SPON1: variants seen among roughly 807,000 people sequenced by gnomAD.
The protein encoded by SPON1 is spondin-1.
In SPON1, 52 loss-of-function variants were observed where a neutral mutation model predicts 111.7. That is an observed-to-expected ratio of 0.47 (90% CI 0.37 to 0.59). The LOEUF is 0.59. Ranked by LOEUF, SPON1 falls within the 20% of genes least tolerant of loss-of-function variation. SPON1 has a pLI of 0.00. For synonymous variants in SPON1, 410 were observed against 395.8 expected, an observed-to-expected ratio of 1.04 and a Z score of -0.43; for missense variants, 957 against 1,068.5, an observed-to-expected ratio of 0.90 and a Z score of 1.46.
At chr11:14,003,452 G>T (rs1250047409) in intron 2 of SPON1, among the ~76,000 whole-genome samples, 15 of 152,148 alleles carry the variant, frequency 9.9e-5, no homozygotes, top group Non-Finnish European at 1.6e-4. Context: ...GCTCAGGGAT[G>T]GGGCCAGTTT....
chr11:14,177,517 T>G (rs1338976574), intron 6 of SPON1, among the ~76,000 whole-genome samples: 1 of 152,112 alleles, frequency 6.6e-6, no homozygotes. Context: ...AGCTGGTCCA[T>G]CAAGTGCAGG....
chr11:14,120,797 G>A (rs1849298975), intron 5 of SPON1, among the ~76,000 whole-genome samples: 1 of 152,186 alleles, frequency 6.6e-6, no homozygotes, highest in South Asian at 2.1e-4. Flanking sequence ...GCTAAGGGCT[G>A]TAATATGGAT....
At chr11:14,195,481 C>T (rs1171077192) in intron 6 of SPON1, among the ~76,000 whole-genome samples, 2 of 152,188 alleles carry the variant, frequency 1.3e-5, no homozygotes, top group African/African-American at 2.4e-5. Flanking sequence ...ATCAGAAACA[C>T]TGTAATACCA....
chr11:14,015,248 A>G (rs1166214517), intron 2 of SPON1, among the ~76,000 whole-genome samples: 7 of 152,232 alleles, frequency 4.6e-5, no homozygotes, highest in Admixed American at 1.3e-4. Context: ...GAAGCTGAGA[A>G]GTACAAGATC....
intron 6 of SPON1, among the ~76,000 whole-genome samples, chr11:14,186,777 A>G (rs1848289983): frequency 6.6e-6 from 1 of 152,160 alleles, no homozygotes; most frequent in African/African-American, 2.4e-5. Flanking sequence ...TTCCCACTCA[A>G]GCCTACAGAA....
At chr11:14,092,306 G>A (rs1849066009) in intron 5 of SPON1, among the ~76,000 whole-genome samples, 1 of 152,142 alleles carries the variant, frequency 6.6e-6, no homozygotes, top group Non-Finnish European at 1.5e-5. Context: ...TAATGTCTTA[G>A]CATTATTATA....
At chr11:14,050,749 G>A (rs1848701776) in intron 3 of SPON1, among the ~76,000 whole-genome samples, 1 of 152,172 alleles carries the variant, frequency 6.6e-6, no homozygotes, top group Non-Finnish European at 1.5e-5. Context: ...TGGGGCCTTT[G>A]GAGAAGGCTT....
intron 6 of SPON1, among the ~76,000 whole-genome samples, chr11:14,222,439 T>C (rs1848690608): frequency 6.6e-6 from 1 of 152,216 alleles, no homozygotes; most frequent in East Asian, 1.9e-4. Context: ...GAGAACATAT[T>C]TAAAACTATA....
chr11:14,074,387 G>T (rs1397519052), intron 3 of SPON1, among the ~76,000 whole-genome samples: 1 of 152,200 alleles, frequency 6.6e-6, no homozygotes, highest in African/African-American at 2.4e-5. Flanking sequence ...CCATTCCTGG[G>T]TCTGGGATCA....
chr11:13,984,040 A>G (rs1848163860), intron 2 of SPON1, among the ~76,000 whole-genome samples: 1 of 152,144 alleles, frequency 6.6e-6, no homozygotes, highest in Non-Finnish European at 1.5e-5. Context: ...CGCTCACCGT[A>G]ATGTCCTTCT....
chr11:14,093,752 C>T (rs991463156), intron 5 of SPON1, among the ~76,000 whole-genome samples: 1 of 152,208 alleles, frequency 6.6e-6, no homozygotes, highest in Non-Finnish European at 1.5e-5. Flanking sequence ...ATATATTCAT[C>T]TATGTACAGA....
chr11:14,081,213 G>A (rs1554922012), intron 5 of SPON1, among the ~76,000 whole-genome samples: 1 of 151,962 alleles, frequency 6.6e-6, no homozygotes, highest in Non-Finnish European at 1.5e-5. Flanking sequence ...TCATATAATT[G>A]TCTCAACAAA....
rs536053985 is a variant in SPON1, at chr11:14,094,544, T to C, written c.676+14523T>C. On this transcript the variant is annotated intron_variant, in intron 5 of 15. Coordinates refer to ENST00000576479, the MANE Select transcript of SPON1 (RefSeq NM_006108.4). ...GCATTGGTTTAATTACCAACACACT[T>C]GAATCTTTTTTCATGTTTATTGTCC... Among the ~76,000 whole-genome samples the C allele has an allele frequency of 2.0e-5, 3 of 152,314 alleles. No individual in the cohort carries two copies. The East Asian group carries it at 5.8e-4, about 29-fold the overall frequency.
chr11:14,002,750 T>C (rs1160455936), intron 2 of SPON1, among the ~76,000 whole-genome samples: 1 of 151,830 alleles, frequency 6.6e-6, no homozygotes, highest in Non-Finnish European at 1.5e-5. Flanking sequence ...CAGTAGAAGA[T>C]AGGGGGCACA....
chr11:14,114,945 C>A (rs1345552647), intron 5 of SPON1, among the ~76,000 whole-genome samples: 2 of 152,180 alleles, frequency 1.3e-5, no homozygotes, highest in African/African-American at 4.8e-5. Flanking sequence ...CAAGCTGCCT[C>A]CCTGACAGGT....
intron 6 of SPON1, among the ~76,000 whole-genome samples, chr11:14,231,885 CAAAT>C (rs1554938778): frequency 1.3e-5 from 2 of 150,030 alleles, no homozygotes; most frequent in African/African-American, 4.9e-5. Context: ...CTATGACAAA[CAAAT>C]GAATATTGCA....
intron 6 of SPON1, among the ~76,000 whole-genome samples, chr11:14,201,535 A>T (rs1489108559): frequency 6.6e-6 from 1 of 151,684 alleles, no homozygotes; most frequent in East Asian, 1.9e-4. Flanking sequence ...GGTAGGTGAG[A>T]TCAGAGGCCT....
In SPON1 at chr11:14,254,699, C is replaced by T. The variant is rs199578153; in HGVS notation, c.1062C>T (p.Asp354=). Residue 354 remains aspartate, a synonymous_variant, in exon 8 of 16, where the codon GAC becomes GAT. Coordinates refer to ENST00000576479, the MANE Select transcript of SPON1 (RefSeq NM_006108.4). ...QKVVQDLIPW[D]AGTDSGVTYE... ...TGGTGCAAGACCTGATTCCCTGGGA[C>T]GCTGGCACCGACAGCGGGGTGACCT... 78 of 1,613,884 alleles carry T rather than the reference C, an allele frequency of 4.8e-5. No individual in the cohort carries two copies. The highest frequency in any genetic ancestry group is 4.7e-4 in the East Asian group (21 of 44,874).
In SPON1 at chr11:14,267,133, T is replaced by C. The variant is rs782677386; in HGVS notation, c.*1446T>C. On this transcript the variant is annotated 3_prime_UTR_variant, in exon 16 of 16. Coordinates refer to ENST00000576479, the MANE Select transcript of SPON1 (RefSeq NM_006108.4). Reference sequence around the variant, plus strand: ...AATTTGTATTAAACACATCAGAATATTTCCAAATACAACATAGTATAGTCC... The same window carrying C: ...AATTTGTATTAAACACATCAGAATACTTCCAAATACAACATAGTATAGTCC... The C allele has an allele frequency of 6.6e-6, 1 of 152,204 alleles. No homozygotes were observed. The highest frequency in any genetic ancestry group is 1.5e-5 in the Non-Finnish European group (1 of 68,036). The allele number at this position is 152,204 out of a possible 1,614,324, so 9.4% of individuals were successfully genotyped here.
Sources: gnomAD v4.1 joint callset for allele counts (sites outside exome capture counted in the v4.1 genomes callset) on GRCh38, gnomAD v4.1.1 for gene constraint, MANE v1.5 for transcripts, NCBI Gene and HGNC (gene_info 2026-07-23, HGNC 2026-07-21) for gene names.